Variants in OPRM1 observed in about 807,000 individuals in gnomAD.
OPRM1 encodes the protein opioid receptor mu 1, also known as mu-type opioid receptor.
OPRM1 carries 27 observed loss-of-function variants against 31.8 expected under a neutral mutation model. The observed-to-expected ratio is 0.85, with a 90% CI of 0.63 to 1.17. OPRM1 has a LOEUF of 1.17. Among genes scored for constraint, OPRM1 ranks in the 50% most tolerant of loss-of-function variants. OPRM1 has a pLI of 0.00. For synonymous variants in OPRM1, 196 were observed against 189.9 expected (o/e 1.03, Z -0.26); for missense variants, 536 against 511.1 (o/e 1.05, Z -0.47).
intron 1 of OPRM1, among the ~76,000 whole-genome samples, chr6:154,071,524 C>G (rs981332377): frequency 6.6e-6 from 1 of 151,670 alleles, no homozygotes; most frequent in African/African-American, 2.4e-5. Flanking sequence ...TGCTCACCAG[C>G]GAAAACCCCC....
chr6:154,071,975 G>C (rs1336428882), intron 1 of OPRM1, among the ~76,000 whole-genome samples: 1 of 152,178 alleles, frequency 6.6e-6, no homozygotes, highest in Admixed American at 6.5e-5. Flanking sequence ...GTTCCACAGA[G>C]GAATACCACA....
intron 1 of OPRM1, among the ~76,000 whole-genome samples, chr6:154,049,610 A>G (rs1289915989): frequency 6.6e-6 from 1 of 152,238 alleles, no homozygotes; most frequent in Non-Finnish European, 1.5e-5. Context: ...AATATTTTTG[A>G]AACACTAGTA....
chr6:154,021,442 G>C (rs998240303), intron 1 of OPRM1, among the ~76,000 whole-genome samples: 23 of 152,056 alleles, frequency 1.5e-4, no homozygotes, highest in African/African-American at 4.6e-4. Flanking sequence ...GCTATACTGG[G>C]TCTTTTTCCT....
At chr6:154,100,639 T>C (rs1051846134) in intron 3 of OPRM1, among the ~76,000 whole-genome samples, 5 of 151,706 alleles carry the variant, frequency 3.3e-5, no homozygotes, top group African/African-American at 1.2e-4. Flanking sequence ...ATGTGAGCAA[T>C]TTGTCTGTAT....
intron 1 of OPRM1, among the ~76,000 whole-genome samples, chr6:154,024,065 T>G (rs761749442): frequency 7.2e-5 from 11 of 152,120 alleles, no homozygotes; most frequent in Non-Finnish European, 1.5e-4. Context: ...AGAATGAGTT[T>G]GATAGTATTC....
At chr6:154,157,916 T>C (rs1798780576) in intron 3 of OPRM1, 1 of 143,958 alleles carries the variant, frequency 6.9e-6, no homozygotes, top group African/African-American at 3.0e-5. Flanking sequence ...GAATGTTCTC[T>C]CTGTCAGGTC....
intron 3 of OPRM1, chr6:154,213,151 A>G (rs1778103943): frequency 3.0e-6 from 1 of 337,560 alleles, no homozygotes; most frequent in South Asian, 4.1e-5. Flanking sequence ...TAATACCAAG[A>G]GAACACAAAA....
At chr6:154,060,506 T>C (rs1784181950) in intron 1 of OPRM1, among the ~76,000 whole-genome samples, 1 of 152,206 alleles carries the variant, frequency 6.6e-6, no homozygotes. Context: ...TCCCATAGAC[T>C]ACTCCAGTCC....
chr6:154,239,772 C>T (rs562219917), intron 3 of OPRM1, among the ~76,000 whole-genome samples: 2 of 152,314 alleles, frequency 1.3e-5, no homozygotes, highest in South Asian at 2.1e-4. Flanking sequence ...GATGTGATCT[C>T]GGCTAACTGC....
At chr6:154,080,236 A>T (rs2128466469) in intron 1 of OPRM1, among the ~76,000 whole-genome samples, 1 of 152,354 alleles carries the variant, frequency 6.6e-6, no homozygotes, top group East Asian at 1.9e-4. Context: ...ATATGTTAAG[A>T]TGCATGAAAT....
At position 154,167,795 on chromosome 6, in the gene OPRM1, T is replaced by C. The variant is rs1424027017; in HGVS notation, c.1164+76323T>C. On this transcript the variant is annotated intron_variant, in intron 3 of 3. Transcript: ENST00000337049. ...ATCATCTTGCCCTATAAAGGTTATATTTACTTTTACAGCCCTTCCCTGCAA... is the reference window on the plus strand; with the variant it reads ...ATCATCTTGCCCTATAAAGGTTATACTTACTTTTACAGCCCTTCCCTGCAA... 6 of 668,182 alleles carry C rather than the reference T, an allele frequency of 9.0e-6. No individual in the cohort carries two copies. In the African/African-American group the frequency reaches 1.1e-4, roughly 12 times the overall value. 41.4% of individuals were successfully genotyped at this position (668,182 alleles called of 1,614,324 possible).
chr6:154,198,022 A>G (rs1158239056), intron 3 of OPRM1, among the ~76,000 whole-genome samples: 2 of 152,188 alleles, frequency 1.3e-5, no homozygotes, highest in Admixed American at 1.3e-4. Flanking sequence ...TCTCTTCAGT[A>G]TATCTTTTCA....
intron 3 of OPRM1, among the ~76,000 whole-genome samples, chr6:154,186,224 C>G (rs1477340243): frequency 6.6e-6 from 1 of 152,248 alleles, no homozygotes; most frequent in Non-Finnish European, 1.5e-5. Flanking sequence ...ATTTCAAATT[C>G]AACTTCAAAT....
Position 154,042,038 on chromosome 6 carries a change from C to T in OPRM1, c.290+2204C>T, listed in dbSNP as rs182076169. Among the ~76,000 whole-genome samples, 147 of 152,068 alleles carry T rather than the reference C, an allele frequency of 9.7e-4. 1 individual carries two copies. Among genetic ancestry groups the T allele is most frequent in the African/African-American group, 3.1e-3 (127 of 41,486 alleles). On this transcript the variant is annotated intron_variant, in intron 1 of 3. Coordinates refer to ENST00000330432, the MANE Select transcript of OPRM1 (RefSeq NM_000914.5). ...TTGTTGACTTGGAGAAACATGGTGA[C>T]GGTGCATCTTACTGAGAACATGTTA...
chr6:154,237,969 C>A (rs559486780), intron 3 of OPRM1, among the ~76,000 whole-genome samples: 1 of 151,940 alleles, frequency 6.6e-6, no homozygotes, highest in Admixed American at 6.6e-5. Context: ...TTCCTGTTAA[C>A]GATTTTAAAC....
chr6:154,135,398 A>T (rs1271783136), downstream of OPRM1, among the ~76,000 whole-genome samples: 1 of 152,016 alleles, frequency 6.6e-6, no homozygotes, highest in Non-Finnish European at 1.5e-5. Flanking sequence ...TGAATCTGAG[A>T]GGTGGAGGTT....
chr6:154,072,133 G>C (rs1158285945), intron 1 of OPRM1, among the ~76,000 whole-genome samples: 2 of 152,182 alleles, frequency 1.3e-5, no homozygotes, highest in African/African-American at 4.8e-5. Flanking sequence ...CGTGGGAATG[G>C]TAAGATAACA....
intron 3 of OPRM1, among the ~76,000 whole-genome samples, chr6:154,117,518 C>T (rs926385304): frequency 2.6e-5 from 4 of 152,190 alleles, no homozygotes; most frequent in African/African-American, 9.7e-5. Flanking sequence ...CTGCAGTACA[C>T]ACACAGTGGG....
At chr6:154,181,475 T>C (rs755754859) in intron 3 of OPRM1, among the ~76,000 whole-genome samples, 1 of 152,244 alleles carries the variant, frequency 6.6e-6, no homozygotes, top group Non-Finnish European at 1.5e-5. Flanking sequence ...AATACTATGC[T>C]TTAAATTTAC....
Sources: allele counts gnomAD v4.1 joint callset (sites outside exome capture counted in the v4.1 genomes callset), GRCh38; gene constraint gnomAD v4.1.1; transcripts MANE v1.5; gene names NCBI Gene and HGNC (gene_info 2026-07-23, HGNC 2026-07-21).